LRRFIP1: variants seen among roughly 807,000 people sequenced by gnomAD.
LRRFIP1 encodes LRR binding FLII interacting protein 1.
In LRRFIP1, 62 loss-of-function variants were observed where a neutral mutation model predicts 104.4. The ratio of observed to expected loss-of-function variants is 0.59; its 90% CI spans 0.48 to 0.73. The LOEUF (loss-of-function observed/expected upper bound fraction) is 0.73, where lower values mean the gene tolerates loss of function less well. Ranked by LOEUF, LRRFIP1 falls within the 30% of genes least tolerant of loss-of-function variation. The probability of loss-of-function intolerance (pLI) is 0.00; values close to 1 mark genes in which losing one functional copy is unlikely to be tolerated. For missense variants in LRRFIP1, 796 were observed against 824.5 expected, an observed-to-expected ratio of 0.97 and a Z score of 0.42; for synonymous variants, 300 against 299.0, an observed-to-expected ratio of 1.00 and a Z score of -0.03.
rs150129460 is a variant in LRRFIP1, at chr2:237,671,055, C to A, written c.97-37489C>A. Among the ~76,000 whole-genome samples the A allele has an allele frequency of 1.6e-3, 250 of 152,290 alleles. 1 individual carries two copies. The highest frequency in any genetic ancestry group is 5.7e-3 in the African/African-American group (235 of 41,560). ...CATCCCTCGCATTTCATCTGAAGAG[C>A]GCTATGTTCTCCCTGGGGAGAACTG... On this transcript the variant is annotated intron_variant, in intron 1 of 23. Transcript: ENST00000308482.
At chr2:237,705,787 C>T (rs986379194) in intron 1 of LRRFIP1, among the ~76,000 whole-genome samples, 4 of 152,138 alleles carry the variant, frequency 2.6e-5, no homozygotes, top group African/African-American at 7.2e-5. Flanking sequence ...TTCTGAGCCA[C>T]GTGTTTGTTG....
intron 1 of LRRFIP1, among the ~76,000 whole-genome samples, chr2:237,682,873 G>T (rs2091977725): frequency 6.6e-6 from 1 of 152,240 alleles, no homozygotes; most frequent in Non-Finnish European, 1.5e-5. Flanking sequence ...CTGTGGAACT[G>T]TTGGGGCCCC....
At chr2:237,768,778 G>T (rs2060396055) in intron 19 of LRRFIP1, 1 of 152,202 alleles carries the variant, frequency 6.6e-6, no homozygotes, top group South Asian at 2.1e-4. Flanking sequence ...GTGGCTAGAT[G>T]ATTTTTTAAA....
chr2:237,645,525 G>T (rs1340282691), intron 1 of LRRFIP1, among the ~76,000 whole-genome samples: 1 of 151,938 alleles, frequency 6.6e-6, no homozygotes, highest in African/African-American at 2.4e-5. Flanking sequence ...AGGTGCCAGG[G>T]GCAGCTGCTC....
At chr2:237,702,599 C>T (rs959304287) in intron 1 of LRRFIP1, among the ~76,000 whole-genome samples, 1 of 152,200 alleles carries the variant, frequency 6.6e-6, no homozygotes, top group Non-Finnish European at 1.5e-5. Context: ...AGCAGCGGGC[C>T]ACCTTCCAGC....
intron 1 of LRRFIP1, among the ~76,000 whole-genome samples, chr2:237,689,374 C>T (rs1377096436): frequency 6.6e-6 from 1 of 152,128 alleles, no homozygotes; most frequent in Non-Finnish European, 1.5e-5. Context: ...ACTGGCTGGG[C>T]TGAAACCCAA....
At position 237,772,950 on chromosome 2, in the gene LRRFIP1, G is replaced by A. The variant is rs1211118772; in HGVS notation, c.1707+5G>A. On this transcript the variant is annotated splice_donor_5th_base_variant and intron_variant, in intron 22 of 23. Transcript: ENST00000308482. ...ATAACTGCATTAGAACAAAATGTAC[G>A]TGTAAGCAACAACGGGCAGAACTGA... 4 of 1,608,708 alleles carry A rather than the reference G, an allele frequency of 2.5e-6. No individual in the cohort carries two copies. Among genetic ancestry groups the A allele is most frequent in the African/African-American group, 1.3e-5 (1 of 74,938 alleles).
chr2:237,736,561 C>G (rs191518160), intron 10 of LRRFIP1, among the ~76,000 whole-genome samples: 2 of 152,180 alleles, frequency 1.3e-5, no homozygotes, highest in Non-Finnish European at 2.9e-5. Context: ...ACGGAGGGCT[C>G]CTGATGCTCT....
At chr2:237,690,847 G>A (rs1283523785) in intron 1 of LRRFIP1, among the ~76,000 whole-genome samples, 1 of 152,160 alleles carries the variant, frequency 6.6e-6, no homozygotes, top group Non-Finnish European at 1.5e-5. Context: ...TTTGAAAGTT[G>A]CTTTTGTGAG....
At chr2:237,737,996 A>G (rs573543613) in intron 10 of LRRFIP1, among the ~76,000 whole-genome samples, 1 of 152,346 alleles carries the variant, frequency 6.6e-6, no homozygotes, top group Non-Finnish European at 1.5e-5. Flanking sequence ...TACAGTTGAA[A>G]TCATTCGTTC....
At chr2:237,692,573 A>AG (rs982678640) in intron 1 of LRRFIP1, 267 of 1,466,036 alleles carry the variant, frequency 1.8e-4, no homozygotes, top group Non-Finnish European at 2.3e-4. Context: ...GCGGGGTTTC[A>AG]GGGGCTTCCA....
At chr2:237,692,393 G>A (rs1235049627) in intron 1 of LRRFIP1, 21 of 1,414,244 alleles carry the variant, frequency 1.5e-5, no homozygotes, top group Non-Finnish European at 1.9e-5. Flanking sequence ...CCCGGCCCGC[G>A]AGGGGCTCCC....
Position 237,643,735 on chromosome 2 carries a change from G to GATGAATGAATGA in LRRFIP1, c.96+16015_96+16026dup, listed in dbSNP as rs58632926. ...GAGTGAGTGAATGAATACAGGAACAGATGAATGAATGAATGAATGAATGAA... is the reference window on the plus strand; with the variant it reads ...GAGTGAGTGAATGAATACAGGAACAGATGAATGAATGAATGAATGAATGAATGAATGAATGAA... On this transcript the variant is annotated intron_variant, in intron 1 of 23. Coordinates refer to ENST00000308482, the MANE Select transcript of LRRFIP1 (RefSeq NM_001137550.2). Among the ~76,000 whole-genome samples the GATGAATGAATGA allele has an allele frequency of 2.4e-3, 361 of 151,522 alleles. 1 individual carries two copies. The highest frequency in any genetic ancestry group is 7.9e-3 in the African/African-American group (327 of 41,288).
At chr2:237,693,425 TAG>T (rs1219482546) in intron 1 of LRRFIP1, among the ~76,000 whole-genome samples, 1 of 152,220 alleles carries the variant, frequency 6.6e-6, no homozygotes, top group Non-Finnish European at 1.5e-5. Context: ...GGTGTAGAAG[TAG>T]AGTCTGATGA....
chr2:237,742,399 A>G (rs888825436), intron 11 of LRRFIP1, among the ~76,000 whole-genome samples: 1 of 151,236 alleles, frequency 6.6e-6, no homozygotes, highest in African/African-American at 2.4e-5. Context: ...ATCTGATGAA[A>G]CCTCCCGTAT....
At chr2:237,699,475 C>G (rs1238554005) in intron 1 of LRRFIP1, among the ~76,000 whole-genome samples, 1 of 151,832 alleles carries the variant, frequency 6.6e-6, no homozygotes, top group Admixed American at 6.6e-5. Flanking sequence ...GCCTCAGCCT[C>G]CTGAGTAGCT....
At chr2:237,769,858 T>C in intron 19 of LRRFIP1, 85 bp from the exon 20 acceptor site, 1 of 994,628 alleles carries the variant, frequency 1.0e-6, no homozygotes, top group South Asian at 1.4e-5. Context: ...TTCACTAACC[T>C]GAACGATCAT....
intron 1 of LRRFIP1, among the ~76,000 whole-genome samples, chr2:237,666,934 TTC>T (rs372008028): frequency 1.5e-4 from 17 of 111,738 alleles, no homozygotes; most frequent in Admixed American, 4.6e-4. Flanking sequence ...CTTTCTTTCT[TTC>T]TTTCTTTCTT....
In LRRFIP1 at chr2:237,627,742, T is replaced by C; in HGVS notation, c.96+2T>C. 1 of 1,284,172 alleles carries C rather than the reference T, an allele frequency of 7.8e-7. No homozygotes were observed. Among genetic ancestry groups the C allele is most frequent in the Non-Finnish European group, 9.9e-7 (1 of 1,008,502 alleles). 79.5% of individuals were successfully genotyped at this position (1,284,172 alleles called of 1,614,324 possible). On this transcript the variant is annotated splice_donor_variant, in intron 1 of 23. Coordinates refer to ENST00000308482, the MANE Select transcript of LRRFIP1 (RefSeq NM_001137550.2). LOFTEE classifies it high-confidence loss of function. ...GCGCTCAACCAGATCGCGCGGGAGG[T>C]GAGCGCTCCGGGAGGGCAGCCGGGG... is the stretch of plus-strand genomic sequence containing the variant.
Sources: allele counts gnomAD v4.1 joint callset (sites outside exome capture counted in the v4.1 genomes callset), GRCh38; gene constraint gnomAD v4.1.1; transcripts MANE v1.5; gene names NCBI Gene and HGNC (gene_info 2026-07-23, HGNC 2026-07-21).